Variants in IVD observed in about 807,000 individuals in gnomAD.
IVD encodes the protein isovaleryl-CoA dehydrogenase, mitochondrial.
IVD carries 31 observed loss-of-function variants against 51.3 expected under a neutral mutation model. That is an observed-to-expected ratio of 0.60 (90% CI 0.45 to 0.81). The LOEUF is 0.81. Ranked by LOEUF, IVD falls within the 40% of genes least tolerant of loss-of-function variation. The pLI is 0.00. For synonymous variants in IVD, 205 were observed against 219.4 expected, an observed-to-expected ratio of 0.93 and a Z score of 0.58; for missense variants, 475 against 552.0, an observed-to-expected ratio of 0.86 and a Z score of 1.40.
Position 40,411,582 on chromosome 15 carries a change from A to G in IVD, c.578A>G (p.Lys193Arg), listed in dbSNP as rs1359727011. The change falls in exon 6 of 12, where the codon AAG becomes AGG. Residue 193 changes from lysine (K) to arginine (R), a missense_variant. Coordinates refer to ENST00000487418, the MANE Select transcript of IVD (RefSeq NM_002225.5). ...KGNHYILNGN[K>R]FWITNGPDAD... is the part of the protein sequence containing the mutation. The stretch of plus-strand genomic sequence containing the variant: ...AATCACTACATCCTGAATGGCAACA[A>G]GTTCTGGATCACTAATGGCCCTGAT... 4 of 1,614,218 alleles carry G rather than the reference A, an allele frequency of 2.5e-6. No individual in the cohort carries two copies. Among genetic ancestry groups the G allele is most frequent in the Non-Finnish European group, 2.5e-6 (3 of 1,180,024 alleles).
downstream of IVD, among the ~76,000 whole-genome samples, chr15:40,426,649 T>C (rs370219968): frequency 3.3e-5 from 5 of 152,306 alleles, no homozygotes; most frequent in East Asian, 7.7e-4. Context: ...TTGTAGGCTA[T>C]GCACCTGATC....
chr15:40,432,898 A>C (rs1595833015), intron 7 of IVD, among the ~76,000 whole-genome samples: 2 of 152,332 alleles, frequency 1.3e-5, no homozygotes, highest in East Asian at 3.9e-4. Flanking sequence ...GATGGGAGAC[A>C]AGGAGTACAA....
Position 40,418,453 on chromosome 15 carries a change from T to G in IVD, c.*190T>G. On this transcript the variant is annotated 3_prime_UTR_variant, in exon 12 of 12. Transcript: ENST00000487418. ...ATCATGGGCCTCGCAGCCGGGCCTG[T>G]GCCACGGCTAGTGTTGTGTGATTTA... is the stretch of plus-strand genomic sequence containing the variant. 1 of 1,476,066 alleles carries G rather than the reference T, an allele frequency of 6.8e-7. No homozygotes were observed. The allele number at this position is 1,476,066 out of a possible 1,614,324, so 91.4% of individuals were successfully genotyped here.
intron 8 of IVD, 49 bp from the exon 9 acceptor site, chr15:40,415,352 C>T (rs375048123): frequency 4.0e-6 from 6 of 1,490,056 alleles, no homozygotes; most frequent in East Asian, 2.3e-5. Flanking sequence ...CCACCACACC[C>T]GGTGGTGGGA....
chr15:40,407,992 T>C lies in IVD; in HGVS notation c.286+2T>C, dbSNP rs748026507. 28 of 1,613,718 alleles carry C rather than the reference T, an allele frequency of 1.7e-5. No homozygotes were observed. The Middle Eastern group carries it at 6.6e-4, about 38-fold the overall frequency. Reference sequence around the variant, plus strand: ...GCGTATTGGGCATCACAGCCCCTGGTGAGTATAGTGTCTTTCCCTAAAAAG... The same window carrying C: ...GCGTATTGGGCATCACAGCCCCTGGCGAGTATAGTGTCTTTCCCTAAAAAG... On this transcript the variant is annotated splice_donor_variant, in intron 3 of 11. Transcript: ENST00000487418. LOFTEE classifies it high-confidence loss of function.
downstream of IVD, among the ~76,000 whole-genome samples, chr15:40,425,440 CTATATA>C (rs72252183): frequency 0.48 from 66,585 of 137,830 alleles, 17,070 homozygotes; most frequent in East Asian, 0.75. Context: ...TGGACTCATA[CTATATA>C]TATATATATA....
At chr15:40,416,014 A>G in intron 9 of IVD, 64 bp from the exon 10 acceptor site, 1 of 1,477,912 alleles carries the variant, frequency 6.8e-7, no homozygotes, top group Non-Finnish European at 9.4e-7. Flanking sequence ...GCCATTGCTG[A>G]CCTGCTTTTG....
chr15:40,413,271 C>T (rs779959634), intron 7 of IVD, 184 bp downstream of exon 7: 5 of 649,054 alleles, frequency 7.7e-6, no homozygotes, highest in East Asian at 2.9e-5. Flanking sequence ...GGCCCTGCAG[C>T]GGCATGCCTA....
downstream of IVD, among the ~76,000 whole-genome samples, chr15:40,427,740 G>A (rs1399878106): frequency 1.3e-5 from 2 of 152,170 alleles, no homozygotes; most frequent in Admixed American, 1.3e-4. Context: ...GGGGGAAAGA[G>A]GAACCTGAAA....
chr15:40,417,323 C>T lies in IVD; in HGVS notation c.1139-807C>T, dbSNP rs557298186. Among the ~76,000 whole-genome samples, 431 of 151,432 alleles carry T rather than the reference C, an allele frequency of 2.8e-3. 1 individual carries two copies. The highest frequency in any genetic ancestry group is 5.1e-3 in the Non-Finnish European group (349 of 67,928). ...AGGAGTTCGAGACCAGCCTGACCAACGTGGTGAAACCCCATCTCTACTAAA... is the reference window on the plus strand; with the variant it reads ...AGGAGTTCGAGACCAGCCTGACCAATGTGGTGAAACCCCATCTCTACTAAA... On this transcript the variant is annotated intron_variant, in intron 11 of 11. Transcript: ENST00000487418.
rs1314344848 is a variant in IVD at position 40,419,630 on chromosome 15, TA to T, written c.*1371del. On this transcript the variant is annotated 3_prime_UTR_variant, in exon 12 of 12. Coordinates refer to ENST00000487418, the MANE Select transcript of IVD (RefSeq NM_002225.5). ...TTCAAGACCAGCCTGGCCAAGATGG[TA>T]AAACCTCGTCTCTACTAAAAATACA... The T allele has an allele frequency of 6.3e-5, 10 of 159,388 alleles. No homozygotes were observed. The South Asian group carries it at 1.7e-3, about 27-fold the overall frequency. The allele number at this position is 159,388 out of a possible 1,614,324, so 9.9% of individuals were successfully genotyped here. A position where few individuals can be genotyped will look rare whatever the true frequency, so the allele number is the denominator to read the frequency against.
At chr15:40,422,922 GTTTA>G (rs1163516613), downstream of IVD, among the ~76,000 whole-genome samples, 1 of 151,136 alleles carries the variant, frequency 6.6e-6, no homozygotes, top group Non-Finnish European at 1.5e-5. Context: ...TTATTTGTTT[GTTTA>G]TTTATTTATT....
At chr15:40,431,119 AT>A (rs1279154985) in intron 7 of IVD, among the ~76,000 whole-genome samples, 1 of 150,036 alleles carries the variant, frequency 6.7e-6, no homozygotes, top group Non-Finnish European at 1.5e-5. Context: ...TGGCTCCACT[AT>A]TATTACGCTT....
At chr15:40,413,889 C>T (rs142224427) in intron 7 of IVD, among the ~76,000 whole-genome samples, 174 of 151,966 alleles carry the variant, frequency 1.1e-3, no homozygotes, top group African/African-American at 4.0e-3. Context: ...GATGGAGTGT[C>T]GCTCTTGTTG....
At chr15:40,429,460 A>T (rs1056148976), downstream of IVD, among the ~76,000 whole-genome samples, 4 of 152,170 alleles carry the variant, frequency 2.6e-5, no homozygotes, top group Admixed American at 6.5e-5. Flanking sequence ...TCCAATTTTA[A>T]TGTTACCCAT....
intron 11 of IVD, among the ~76,000 whole-genome samples, chr15:40,417,306 G>T (rs1360695850): frequency 6.6e-6 from 1 of 150,528 alleles, no homozygotes; most frequent in Non-Finnish European, 1.5e-5. Flanking sequence ...TCAGGAGTTC[G>T]AGACCAGCCT....
Position 40,415,510 on chromosome 15 carries a change from A to T in IVD, c.960+28A>T, listed in dbSNP as rs547914696. Reference sequence around the variant, plus strand: ...GAGCCGAGTGCTTTTGCTGACATGTACTCTTCAACTGGGCTAAAGTTTTCT... The same window carrying T: ...GAGCCGAGTGCTTTTGCTGACATGTTCTCTTCAACTGGGCTAAAGTTTTCT... On this transcript the variant is annotated intron_variant, in intron 9 of 11. Coordinates refer to ENST00000487418, the MANE Select transcript of IVD (RefSeq NM_002225.5). 8.6e-5 allele frequency: 136 copies of T among 1,590,506 alleles called. No individual in the cohort carries two copies. In the East Asian group the frequency reaches 2.7e-3, roughly 31 times the overall value.
At chr15:40,428,200 A>G (rs1892778014), downstream of IVD, among the ~76,000 whole-genome samples, 1 of 148,340 alleles carries the variant, frequency 6.7e-6, no homozygotes, top group African/African-American at 2.5e-5. Flanking sequence ...AAAAAAAAAG[A>G]CTGGACTGTT....
At chr15:40,413,663 G>GT (rs1891325806) in intron 7 of IVD, among the ~76,000 whole-genome samples, 1 of 132,670 alleles carries the variant, frequency 7.5e-6, no homozygotes, top group African/African-American at 2.8e-5. Context: ...TGTTGTTTGG[G>GT]GTTTTTTTTT....
Sources: allele counts gnomAD v4.1 joint callset (sites outside exome capture counted in the v4.1 genomes callset), GRCh38; gene constraint gnomAD v4.1.1; transcripts MANE v1.5; gene names NCBI Gene and HGNC (gene_info 2026-07-23, HGNC 2026-07-21).